The following SLA variants were observed in gnomAD, a reference collection of about 807,000 sequenced individuals.
SLA encodes Src like adaptor.
In SLA, 16 loss-of-function variants were observed where a neutral mutation model predicts 30.3. The observed-to-expected ratio is 0.53, with a 90% CI of 0.36 to 0.80. The LOEUF (loss-of-function observed/expected upper bound fraction) is 0.80. Among genes scored for constraint, SLA ranks in the 30% least tolerant of loss-of-function variants. The pLI is 0.01. For synonymous variants in SLA, 143 were observed against 137.8 expected, an observed-to-expected ratio of 1.04 and a Z score of -0.26; for missense variants, 310 against 345.2, an observed-to-expected ratio of 0.90 and a Z score of 0.81.
intron 7 of SLA, among the ~76,000 whole-genome samples, chr8:133,041,784 GTTTTTTTTTTT>G (rs529937626): frequency 2.4e-5 from 3 of 124,422 alleles, no homozygotes; most frequent in Non-Finnish European, 5.0e-5. Context: ...CTTGTGGTCA[GTTTTTTTTTTT>G]TTTTTTTTTT....
intron 7 of SLA, among the ~76,000 whole-genome samples, chr8:133,040,715 G>A (rs753672900): frequency 3.3e-5 from 5 of 152,100 alleles, no homozygotes; most frequent in Non-Finnish European, 5.9e-5. Context: ...GAAAGAGGGC[G>A]AGGAGGAAAA....
chr8:133,038,777 AAG>A (rs1410375081), intron 8 of SLA, 40 bp from the exon 9 acceptor site: 1 of 1,444,868 alleles, frequency 6.9e-7, no homozygotes, highest in Non-Finnish European at 9.7e-7. Context: ...AAGGGAAAAA[AAG>A]AGAGTCATAG....
chr8:133,044,544 C>T (rs1838938565), intron 7 of SLA, among the ~76,000 whole-genome samples: 1 of 152,186 alleles, frequency 6.6e-6, no homozygotes, highest in Non-Finnish European at 1.5e-5. Flanking sequence ...ACAGCGAAGA[C>T]AGGTAGCCAC....
chr8:133,094,288 T>C (rs1848074525), intron 1 of SLA, among the ~76,000 whole-genome samples: 1 of 142,620 alleles, frequency 7.0e-6, no homozygotes, highest in Non-Finnish European at 1.5e-5. Flanking sequence ...TTTCCCAGGC[T>C]GGAGTGCAGA....
At position 133,096,357 on chromosome 8, in the gene SLA, G is replaced by C. The variant is rs756368168; in HGVS notation, c.-319+6196C>G. 1.2e-6 allele frequency: 2 copies of C among 1,614,198 alleles called. No individual in the cohort carries two copies. The highest frequency in any genetic ancestry group is 2.2e-5 in the East Asian group (1 of 44,882). On this transcript the variant is annotated intron_variant, in intron 1 of 8. Transcript: ENST00000338087. The stretch of plus-strand genomic sequence containing the variant: ...TCTCAGGACGACGGGCTCATCAACA[G>C]AGCAAAGGCTGTGAAGGTAAGCAGG...
At chr8:133,059,365 C>A (rs1183630639) in intron 3 of SLA, among the ~76,000 whole-genome samples, 1 of 152,214 alleles carries the variant, frequency 6.6e-6, no homozygotes, top group South Asian at 2.1e-4. Flanking sequence ...AAGGGGCCAG[C>A]ATAGCTGAGT....
At chr8:133,058,282 T>C (rs1841829227) in intron 3 of SLA, among the ~76,000 whole-genome samples, 2 of 152,110 alleles carry the variant, frequency 1.3e-5, no homozygotes, top group Admixed American at 6.5e-5. Flanking sequence ...GCGCTTGATG[T>C]GGTTGCCTGG....
chr8:133,100,133 G>C (rs901242322), intron 1 of SLA, among the ~76,000 whole-genome samples: 10 of 152,182 alleles, frequency 6.6e-5, no homozygotes, highest in African/African-American at 2.4e-4. Flanking sequence ...TATCCCTTTA[G>C]AGTTTCTCAA....
chr8:133,067,072 T>C (rs2739141), intron 2 of SLA, among the ~76,000 whole-genome samples: 123,548 of 152,156 alleles, frequency 0.81, 50,374 homozygotes, highest in African/African-American at 0.86. Flanking sequence ...GCCTGTGGTC[T>C]GACCCTTCCT....
Position 133,095,044 on chromosome 8 carries a change from G to C in SLA, c.-319+7509C>G. 3 of 1,613,382 alleles carry C rather than the reference G, an allele frequency of 1.9e-6. No individual in the cohort carries two copies. The highest frequency in any genetic ancestry group is 1.7e-5 in the Admixed American group (1 of 60,022). On this transcript the variant is annotated intron_variant, in intron 1 of 8. Coordinates refer to ENST00000338087, the MANE Select transcript of SLA (RefSeq NM_001045556.3). ...GCCCTGAGCCTGCTTTCTCTTCCAG[G>C]GAGGCTCCGCACTCTCCCCGGCCGC...
At chr8:133,062,172 T>C (rs1842457340) in intron 2 of SLA, among the ~76,000 whole-genome samples, 1 of 152,104 alleles carries the variant, frequency 6.6e-6, no homozygotes, top group Non-Finnish European at 1.5e-5. Context: ...CCCTTGCAAA[T>C]TTGAGGCTCG....
At chr8:133,096,771 A>T (rs1848480893) in intron 1 of SLA, among the ~76,000 whole-genome samples, 1 of 152,176 alleles carries the variant, frequency 6.6e-6, no homozygotes, top group Admixed American at 6.5e-5. Context: ...ACCCTTTCCC[A>T]ATCCTGAAAA....
intron 6 of SLA, 137 bp from the exon 7 acceptor site, chr8:133,045,252 TC>T: frequency 1.3e-6 from 1 of 783,800 alleles, no homozygotes; most frequent in Non-Finnish European, 2.1e-6. Context: ...ATGCAGCCCC[TC>T]CCTCCACTAG....
chr8:133,077,936 A>G (rs1031137682), intron 1 of SLA, among the ~76,000 whole-genome samples: 2 of 152,024 alleles, frequency 1.3e-5, no homozygotes, highest in African/African-American at 4.8e-5. Flanking sequence ...GGGAGCAAAA[A>G]TTGCCCCCAG....
chr8:133,099,017 C>T (rs1848851569), intron 1 of SLA, among the ~76,000 whole-genome samples: 1 of 152,214 alleles, frequency 6.6e-6, no homozygotes, highest in South Asian at 2.1e-4. Flanking sequence ...GCATTCTTCT[C>T]ATTGAGCTTC....
chr8:133,095,374 G>A lies in SLA; in HGVS notation c.-319+7179C>T, dbSNP rs10103453. On this transcript the variant is annotated intron_variant, in intron 1 of 8. Transcript: ENST00000338087. ...CCCTAGCCCCTAGAGCTGTGCATGC[G>A]CCACAGCCTGCAACAGTCCAAACAT... 0.73 allele frequency among the ~76,000 whole-genome samples: 110,883 copies of A among 152,168 alleles called. 40,945 individuals carry two copies. Among genetic ancestry groups the A allele is most frequent in the African/African-American group, 0.8 (33,310 of 41,514 alleles).
At chr8:133,088,354 A>T (rs1846953379) in intron 1 of SLA, among the ~76,000 whole-genome samples, 1 of 152,138 alleles carries the variant, frequency 6.6e-6, no homozygotes, top group Non-Finnish European at 1.5e-5. Flanking sequence ...AGTGGAATGG[A>T]AAATAAGGGT....
chr8:133,082,031 A>C (rs747354989), intron 1 of SLA, among the ~76,000 whole-genome samples: 2 of 152,188 alleles, frequency 1.3e-5, no homozygotes, highest in Non-Finnish European at 2.9e-5. Flanking sequence ...TTTAGAGTCT[A>C]TCTTCTGCAA....
intron 1 of SLA, among the ~76,000 whole-genome samples, chr8:133,082,197 A>G (rs570237170): frequency 1.3e-5 from 2 of 152,214 alleles, no homozygotes; most frequent in East Asian, 3.8e-4. Flanking sequence ...AGGGTGTCTC[A>G]TAACACCAAC....
Sources: gnomAD v4.1 joint callset for allele counts (sites outside exome capture counted in the v4.1 genomes callset) on GRCh38, gnomAD v4.1.1 for gene constraint, MANE v1.5 for transcripts, NCBI Gene and HGNC (gene_info 2026-07-23, HGNC 2026-07-21) for gene names.